The following NRXN1 variants were observed in gnomAD, a reference collection of about 807,000 sequenced individuals.
NRXN1 encodes neurexin-1.
Under a neutral mutation model 150.9 loss-of-function variants are expected in NRXN1, and 39 were observed. The ratio of observed to expected loss-of-function variants is 0.26; its 90% CI spans 0.20 to 0.34. NRXN1 has a LOEUF of 0.34. Ranked by LOEUF, NRXN1 falls within the 10% of genes least tolerant of loss-of-function variation. The pLI is 1.00. For missense variants in NRXN1, 1,815 were observed against 1,949.9 expected (o/e 0.93, Z 1.30); for synonymous variants, 924 against 757.0 (o/e 1.22, Z -3.62).
intron 12 of NRXN1, among the ~76,000 whole-genome samples, chr2:50,508,843 T>C (rs1445845592): frequency 6.6e-6 from 1 of 152,154 alleles, no homozygotes; most frequent in Non-Finnish European, 1.5e-5. Context: ...ATTAAAATTG[T>C]GAACAGATTG....
At chr2:50,237,335 C>T (rs2065552192) in intron 17 of NRXN1, among the ~76,000 whole-genome samples, 1 of 152,038 alleles carries the variant, frequency 6.6e-6, no homozygotes, top group South Asian at 2.1e-4. Flanking sequence ...CAAAAAGCAA[C>T]AGCAGCACAC....
At chr2:50,196,803 A>C (rs995734654) in intron 18 of NRXN1, among the ~76,000 whole-genome samples, 1 of 152,208 alleles carries the variant, frequency 6.6e-6, no homozygotes, top group Non-Finnish European at 1.5e-5. Context: ...AAACTAATGC[A>C]GGAACAGAAA....
chr2:49,990,764 T>C (rs914521953), intron 21 of NRXN1, among the ~76,000 whole-genome samples: 27 of 152,320 alleles, frequency 1.8e-4, no homozygotes, highest in African/African-American at 6.5e-4. Flanking sequence ...TAATACCTGA[T>C]TCACAGAGGG....
intron 5 of NRXN1, among the ~76,000 whole-genome samples, chr2:50,625,652 T>C (rs1414941313): frequency 6.6e-6 from 1 of 152,054 alleles, no homozygotes; most frequent in Non-Finnish European, 1.5e-5. Flanking sequence ...TATATTACTA[T>C]TATACTGAGA....
chr2:50,891,225 T>C (rs1574843197), intron 5 of NRXN1, among the ~76,000 whole-genome samples: 2 of 151,988 alleles, frequency 1.3e-5, no homozygotes, highest in African/African-American at 2.4e-5. Flanking sequence ...AACCATGATA[T>C]GATGACATGG....
intron 21 of NRXN1, among the ~76,000 whole-genome samples, chr2:49,974,942 C>T (rs1187563618): frequency 6.6e-6 from 1 of 151,754 alleles, no homozygotes. Context: ...TGCCTTTTCT[C>T]TGAAATTTAC....
Position 50,132,285 on chromosome 2 carries a change from G to A in NRXN1, c.3547-40791C>T, listed in dbSNP as rs1043036372. On this transcript the variant is annotated intron_variant, in intron 18 of 22. Coordinates refer to ENST00000401669, the MANE Select transcript of NRXN1 (RefSeq NM_001330078.2). The stretch of plus-strand genomic sequence containing the variant: ...TGCTGTGTCATACGTTTCTTTATGC[G>A]ATAGTTTATGTCCCAAAACTCTTTT... Among the ~76,000 whole-genome samples, 7 of 149,882 alleles carry A rather than the reference G, an allele frequency of 4.7e-5. No individual in the cohort carries two copies. In the East Asian group the frequency reaches 1.4e-3, roughly 30 times the overall value.
At chr2:50,825,723 G>C (rs1238232143) in intron 5 of NRXN1, among the ~76,000 whole-genome samples, 1 of 152,196 alleles carries the variant, frequency 6.6e-6, no homozygotes, top group African/African-American at 2.4e-5. Flanking sequence ...TGGAACCCAA[G>C]GATGGGGTCT....
intron 19 of NRXN1, among the ~76,000 whole-genome samples, chr2:50,079,900 T>G (rs1273651348): frequency 6.6e-6 from 1 of 152,128 alleles, no homozygotes; most frequent in Non-Finnish European, 1.5e-5. Context: ...TATTCTACAG[T>G]TTCAGTTACC....
At chr2:50,767,920 G>A (rs1419165915) in intron 5 of NRXN1, among the ~76,000 whole-genome samples, 2 of 151,954 alleles carry the variant, frequency 1.3e-5, no homozygotes, top group East Asian at 1.9e-4. Flanking sequence ...ATAGCTGTAC[G>A]CTAAAAACAA....
chr2:50,670,481 G>C (rs1465464793), intron 5 of NRXN1, among the ~76,000 whole-genome samples: 2 of 151,938 alleles, frequency 1.3e-5, no homozygotes, highest in Non-Finnish European at 2.9e-5. Flanking sequence ...AGTACAGACA[G>C]TTACCATGTA....
intron 5 of NRXN1, among the ~76,000 whole-genome samples, chr2:50,743,729 C>T (rs1256749526): frequency 6.6e-6 from 1 of 152,126 alleles, no homozygotes; most frequent in African/African-American, 2.4e-5. Flanking sequence ...CTTTTCCTTA[C>T]TTATAAAACA....
Position 50,410,340 on chromosome 2 carries a change from T to C in NRXN1, c.3364+55102A>G, listed in dbSNP as rs1466473370. 3.9e-5 allele frequency among the ~76,000 whole-genome samples: 6 copies of C among 152,248 alleles called. No homozygotes were observed. The East Asian group carries it at 9.6e-4, about 24-fold the overall frequency. The stretch of plus-strand genomic sequence containing the variant: ...CTCCTCTCCTGAATTCCTATTGTTT[T>C]TGTTTTCTAAAACACACATGTGATA... On this transcript the variant is annotated intron_variant, in intron 17 of 22. Coordinates refer to ENST00000401669, the MANE Select transcript of NRXN1 (RefSeq NM_001330078.2).
chr2:50,532,924 T>C (rs2093157126), intron 10 of NRXN1, among the ~76,000 whole-genome samples: 2 of 152,194 alleles, frequency 1.3e-5, no homozygotes, highest in African/African-American at 4.8e-5. Context: ...AAAGAAAAAC[T>C]ACCTGGAATT....
intron 2 of NRXN1, among the ~76,000 whole-genome samples, chr2:51,010,419 G>A (rs1667662691): frequency 6.6e-6 from 1 of 151,776 alleles, no homozygotes; most frequent in Non-Finnish European, 1.5e-5. Context: ...TTCCATACCA[G>A]TTCACAAAAC....
At chr2:50,298,270 A>T (rs2073817259) in intron 17 of NRXN1, among the ~76,000 whole-genome samples, 1 of 152,170 alleles carries the variant, frequency 6.6e-6, no homozygotes, top group South Asian at 2.1e-4. Context: ...GGAAAGGAAT[A>T]AAATTAACAC....
chr2:50,651,607 G>A (rs900746600), intron 5 of NRXN1, among the ~76,000 whole-genome samples: 6 of 151,974 alleles, frequency 3.9e-5, no homozygotes, highest in African/African-American at 1.4e-4. Flanking sequence ...GCAGCGAGCT[G>A]TAAACATGCA....
chr2:50,082,311 C>T (rs922958728), intron 19 of NRXN1, among the ~76,000 whole-genome samples: 1 of 152,138 alleles, frequency 6.6e-6, no homozygotes, highest in African/African-American at 2.4e-5. Flanking sequence ...CTCTGTTTAA[C>T]GTGACTACTT....
chr2:50,846,123 T>G (rs1397393328), intron 5 of NRXN1, among the ~76,000 whole-genome samples: 1 of 152,132 alleles, frequency 6.6e-6, no homozygotes, highest in Non-Finnish European at 1.5e-5. Context: ...CTTAAAAAAT[T>G]TTTTTTCATT....
Sources: gnomAD v4.1 joint callset for allele counts (sites outside exome capture counted in the v4.1 genomes callset) on GRCh38, gnomAD v4.1.1 for gene constraint, MANE v1.5 for transcripts, NCBI Gene and HGNC (gene_info 2026-07-23, HGNC 2026-07-21) for gene names.